Variants in TRPC1 observed in about 807,000 individuals in gnomAD.
TRPC1 encodes transient receptor potential cation channel subfamily C member 1, also known as short transient receptor potential channel 1.
A neutral mutation model predicts 88.2 loss-of-function variants in TRPC1; 42 were observed. The ratio of observed to expected loss-of-function variants is 0.48; its 90% CI spans 0.37 to 0.62. TRPC1 has a LOEUF of 0.62. TRPC1 is among the 20% of genes least tolerant of loss of function. The probability of loss-of-function intolerance (pLI) is 0.00; values close to 1 mark genes in which losing one functional copy is unlikely to be tolerated. For missense variants in TRPC1, 699 were observed against 957.3 expected (o/e 0.73, Z 3.56); for synonymous variants, 288 against 331.8 (o/e 0.87, Z 1.43).
At chr3:142,729,603 T>C (rs1933816131) in intron 1 of TRPC1, among the ~76,000 whole-genome samples, 1 of 152,182 alleles carries the variant, frequency 6.6e-6, no homozygotes, top group Non-Finnish European at 1.5e-5. Flanking sequence ...AGCTATACCT[T>C]GTATATAGAC....
At chr3:142,726,667 A>G (rs552570194) in intron 1 of TRPC1, among the ~76,000 whole-genome samples, 2 of 152,184 alleles carry the variant, frequency 1.3e-5, no homozygotes, top group African/African-American at 4.8e-5. Flanking sequence ...TTAAAAAGTA[A>G]CTTTGAGTTA....
chr3:142,775,616 C>CA (rs113089324), intron 4 of TRPC1, among the ~76,000 whole-genome samples: 221 of 140,998 alleles, frequency 1.6e-3, no homozygotes, highest in African/African-American at 4.4e-3. Flanking sequence ...GAGAGTGTCT[C>CA]AAAAAAAAAA....
intron 2 of TRPC1, among the ~76,000 whole-genome samples, chr3:142,742,146 G>C (rs1331203292): frequency 6.9e-6 from 1 of 145,934 alleles, no homozygotes; most frequent in Non-Finnish European, 1.5e-5. Flanking sequence ...CTGGGTGACA[G>C]AGCAAGACTC....
At chr3:142,805,719 T>A (rs1337156305) in intron 12 of TRPC1, among the ~76,000 whole-genome samples, 2 of 152,174 alleles carry the variant, frequency 1.3e-5, no homozygotes, top group Non-Finnish European at 2.9e-5. Context: ...AAAGTCAGGA[T>A]ATGGACCATA....
intron 4 of TRPC1, among the ~76,000 whole-genome samples, chr3:142,754,844 C>T (rs1934901963): frequency 6.6e-6 from 1 of 151,594 alleles, no homozygotes; most frequent in Admixed American, 6.6e-5. Context: ...AAGAGTGACA[C>T]GGAAGTAGGA....
intron 6 of TRPC1, among the ~76,000 whole-genome samples, chr3:142,782,086 G>A (rs1006456784): frequency 1.3e-5 from 2 of 151,984 alleles, no homozygotes; most frequent in African/African-American, 4.8e-5. Flanking sequence ...ATAGAATAAG[G>A]GGATTACATG....
Position 142,724,596 on chromosome 3 carries a change from G to A in TRPC1, c.37G>A (p.Gly13Ser). The A allele has an allele frequency of 6.2e-7, 1 of 1,602,342 alleles. No individual in the cohort carries two copies. Among genetic ancestry groups the A allele is most frequent in the African/African-American group, 1.3e-5 (1 of 74,498 alleles). Residue 13 changes from glycine (G) to serine (S), a missense_variant, in exon 1 of 13, where the codon GGC (glycine) becomes AGC (serine). Coordinates refer to ENST00000476941, the MANE Select transcript of TRPC1 (RefSeq NM_001251845.2). This position sits in a 1 kb window ranked among gnomAD's most constrained non-coding sequence, Gnocchi z 5.6. ...CCTGTACCCGAGCACGGACCTCTCGGGCGCCTCCTCCTCCTCCCTGCCTTC... is the reference window on the plus strand; with the variant it reads ...CCTGTACCCGAGCACGGACCTCTCGAGCGCCTCCTCCTCCTCCCTGCCTTC... ...AALYPSTDLSGASSSSLPSSP... is the reference protein window; with the variant it reads ...AALYPSTDLSSASSSSLPSSP...
chr3:142,778,808 T>G lies in TRPC1; in HGVS notation c.764+1045T>G, dbSNP rs1478441123. On this transcript the variant is annotated intron_variant, in intron 5 of 12. Coordinates refer to ENST00000476941, the MANE Select transcript of TRPC1 (RefSeq NM_001251845.2). The stretch of plus-strand genomic sequence containing the variant: ...TTAACAGCAGTACTTAATGTGTTCT[T>G]CATAGACCTGAGTTCCAGAAACTGA... Among the ~76,000 whole-genome samples, 307 of 152,324 alleles carry G rather than the reference T, an allele frequency of 2.0e-3. 1 individual carries two copies. The highest frequency in any genetic ancestry group is 7.2e-3 in the African/African-American group (299 of 41,572).
chr3:142,773,604 G>C (rs746924464), intron 4 of TRPC1, among the ~76,000 whole-genome samples: 1 of 145,460 alleles, frequency 6.9e-6, no homozygotes, highest in Non-Finnish European at 1.5e-5. Flanking sequence ...TTTCCTTTAG[G>C]GGGTATGGGT....
chr3:142,743,961 T>C (rs1377492038), intron 3 of TRPC1, among the ~76,000 whole-genome samples: 7 of 152,144 alleles, frequency 4.6e-5, no homozygotes, highest in Non-Finnish European at 1.5e-5. Context: ...AGAAAGACTT[T>C]ATGTGCATAA....
chr3:142,782,206 A>G (rs1178280963), intron 6 of TRPC1, among the ~76,000 whole-genome samples: 1 of 152,206 alleles, frequency 6.6e-6, no homozygotes, highest in African/African-American at 2.4e-5. Flanking sequence ...TTCTAATGAT[A>G]GCTATATCCC....
chr3:142,728,329 G>GT (rs1433724966), intron 1 of TRPC1, among the ~76,000 whole-genome samples: 2 of 133,990 alleles, frequency 1.5e-5, no homozygotes, highest in African/African-American at 6.5e-5. Context: ...TTTGATGACT[G>GT]TATTTCTTTT....
chr3:142,795,501 G>A (rs1029509679), intron 9 of TRPC1, among the ~76,000 whole-genome samples: 3 of 151,572 alleles, frequency 2.0e-5, no homozygotes, highest in Non-Finnish European at 4.4e-5. Flanking sequence ...AAAAAGAAAG[G>A]TAAGGATGAC....
chr3:142,796,744 A>G (rs770237787), intron 9 of TRPC1, among the ~76,000 whole-genome samples: 34 of 152,138 alleles, frequency 2.2e-4, no homozygotes, highest in Admixed American at 4.6e-4. Context: ...AAAACGAGGT[A>G]TGCTTGTATT....
At chr3:142,794,898 C>T (rs570962606) in intron 9 of TRPC1, among the ~76,000 whole-genome samples, 1 of 152,182 alleles carries the variant, frequency 6.6e-6, no homozygotes, top group African/African-American at 2.4e-5. Context: ...TTCATTAAAA[C>T]CTATCCAAAA....
chr3:142,763,469 T>TTG (rs1399174783), intron 4 of TRPC1, among the ~76,000 whole-genome samples: 28 of 152,232 alleles, frequency 1.8e-4, no homozygotes, highest in African/African-American at 6.5e-4. Flanking sequence ...AGTCTTTGAT[T>TTG]TGTAGTCTAT....
At chr3:142,741,466 A>G (rs146101055) in intron 2 of TRPC1, among the ~76,000 whole-genome samples, 245 of 152,306 alleles carry the variant, frequency 1.6e-3, no homozygotes, top group African/African-American at 5.6e-3. Flanking sequence ...TTTGCTTCAT[A>G]TGGTCTGAAA....
chr3:142,758,691 ATTATAC>A (rs1935071011), intron 4 of TRPC1, among the ~76,000 whole-genome samples: 1 of 150,922 alleles, frequency 6.6e-6, no homozygotes, highest in African/African-American at 2.4e-5. Flanking sequence ...TTTTTTTTCA[ATTATAC>A]TTTAAGTTCT....
intron 12 of TRPC1, among the ~76,000 whole-genome samples, chr3:142,805,033 G>A (rs925096178): frequency 1.3e-5 from 2 of 151,784 alleles, no homozygotes; most frequent in Admixed American, 6.6e-5. Context: ...CCCAGGAGGT[G>A]GAGGTTGCAG....
Sources: gnomAD v4.1 joint callset for allele counts (sites outside exome capture counted in the v4.1 genomes callset) on GRCh38, gnomAD v4.1.1 for gene constraint, Gnocchi (gnomAD v3.1) non-coding constraint, MANE v1.5 for transcripts, NCBI Gene and HGNC (gene_info 2026-07-23, HGNC 2026-07-21) for gene names.